The following SRGAP1 variants were observed in gnomAD, a reference collection of about 807,000 sequenced individuals.
SRGAP1 encodes SLIT-ROBO Rho GTPase-activating protein 1.
A neutral mutation model predicts 121.9 loss-of-function variants in SRGAP1; 43 were observed. That is an observed-to-expected ratio of 0.35 (90% CI 0.28 to 0.46). The LOEUF (loss-of-function observed/expected upper bound fraction) is 0.46. SRGAP1 is among the 20% of genes least tolerant of loss of function. The probability of loss-of-function intolerance (pLI) is 1.00; values close to 1 mark genes in which losing one functional copy is unlikely to be tolerated. For synonymous variants in SRGAP1, 447 were observed against 485.4 expected (o/e 0.92, Z 1.04); for missense variants, 1,102 against 1,350.9 (o/e 0.82, Z 2.89).
chr12:64,154,286 A>AT lies in SRGAP1; in HGVS notation c.*11620dup, dbSNP rs1274500547. The stretch of plus-strand genomic sequence containing the variant: ...AAGATAGTAAATTTTATACTATGTA[A>AT]TTTTTTAACCACAATTTTAAACATC... On this transcript the variant is annotated 3_prime_UTR_variant, in exon 22 of 22. Transcript: ENST00000355086. The AT allele has an allele frequency of 1.3e-5, 2 of 152,208 alleles. No homozygotes were observed. The highest frequency in any genetic ancestry group is 3.8e-4 in the East Asian group (2 of 5,196). 9.4% of individuals were successfully genotyped at this position (152,208 alleles called of 1,614,324 possible).
At chr12:63,888,958 AG>A (rs747992335) in intron 1 of SRGAP1, among the ~76,000 whole-genome samples, 22 of 152,274 alleles carry the variant, frequency 1.4e-4, no homozygotes, top group Middle Eastern at 6.8e-3. Flanking sequence ...ATGAGTGGAG[AG>A]GGTCGATGAG....
At chr12:63,971,711 T>C (rs188371400) in intron 1 of SRGAP1, among the ~76,000 whole-genome samples, 20 of 152,272 alleles carry the variant, frequency 1.3e-4, no homozygotes, top group African/African-American at 4.6e-4. Flanking sequence ...CAGTACTTGC[T>C]AAGGCCTGAA....
At chr12:63,993,878 G>A (rs993313972) in intron 3 of SRGAP1, among the ~76,000 whole-genome samples, 5 of 150,918 alleles carry the variant, frequency 3.3e-5, no homozygotes, top group Non-Finnish European at 7.4e-5. Context: ...AAAAAGTGAA[G>A]CATTTTAAAA....
At chr12:64,065,265 AT>A in intron 8 of SRGAP1, 46 bp downstream of exon 8, 1 of 1,462,166 alleles carries the variant, frequency 6.8e-7, no homozygotes, top group African/African-American at 1.4e-5. Context: ...GAATTCAAAT[AT>A]AACTGGAAGA....
rs146163454 is a variant in SRGAP1 at position 64,107,175 on chromosome 12, C to G, written c.1814-1757C>G. Among the ~76,000 whole-genome samples, 202 of 152,186 alleles carry G rather than the reference C, an allele frequency of 1.3e-3. 3 individuals carry two copies. The East Asian group carries it at 0.03, about 22-fold the overall frequency. On this transcript the variant is annotated intron_variant, in intron 15 of 21. Transcript: ENST00000355086. ...AATATTCCTAATAGATTTTTCGTAC[C>G]TTTTCAGCTATGCAAAAGGGAAAAT...
chr12:63,977,290 A>C (rs2033119792), intron 1 of SRGAP1, among the ~76,000 whole-genome samples: 1 of 152,192 alleles, frequency 6.6e-6, no homozygotes, highest in Non-Finnish European at 1.5e-5. Context: ...TAGAGGTAAT[A>C]ATACATCTTA....
chr12:63,984,040 GA>G lies in SRGAP1; in HGVS notation c.168del (p.Ala57LeufsTer11). The part of the protein sequence containing the change: ...QLLQDLQDFF[R>X]KKAEIETEYS... ...CTCCAGGATCTGCAAGATTTCTTCC[GA>G]AAAAAAGCTGAAATTGAGACGGAAT... On this transcript the variant is annotated frameshift_variant, in exon 2 of 22. Transcript: ENST00000355086. LOFTEE classifies it high-confidence loss of function. 8.3e-6 allele frequency: 13 copies of G among 1,563,054 alleles called. No homozygotes were observed. The highest frequency in any genetic ancestry group is 3.5e-5 in the Admixed American group (2 of 57,358).
In SRGAP1 at chr12:64,150,901, C is replaced by A. The variant is rs2037112163; in HGVS notation, c.*8229C>A. On this transcript the variant is annotated 3_prime_UTR_variant, in exon 22 of 22. Coordinates refer to ENST00000355086, the MANE Select transcript of SRGAP1 (RefSeq NM_020762.4). ...AATAAGCTATGATTGCACCACTGCA[C>A]TCCAACCTGGGTGGAAGAGTGAGAA... 1 of 126,398 alleles carries A rather than the reference C, an allele frequency of 7.9e-6. No homozygotes were observed. Among genetic ancestry groups the A allele is most frequent in the African/African-American group, 2.9e-5 (1 of 34,600 alleles). 7.8% of individuals were successfully genotyped at this position (126,398 alleles called of 1,614,324 possible).
chr12:64,012,551 CTTTTTTTTT>C (rs386376760), intron 3 of SRGAP1, among the ~76,000 whole-genome samples: 3 of 77,662 alleles, frequency 3.9e-5, no homozygotes, highest in Non-Finnish European at 4.5e-5. Context: ...AAGTTATTAT[CTTTTTTTTT>C]TTTTTTTTTT....
At chr12:63,909,620 A>G (rs907457887) in intron 1 of SRGAP1, among the ~76,000 whole-genome samples, 1 of 152,228 alleles carries the variant, frequency 6.6e-6, no homozygotes, top group Non-Finnish European at 1.5e-5. Flanking sequence ...TATTTATACT[A>G]TATACCAGAA....
intron 18 of SRGAP1, among the ~76,000 whole-genome samples, chr12:64,120,920 A>G (rs2036595971): frequency 6.6e-6 from 1 of 152,026 alleles, no homozygotes; most frequent in African/African-American, 2.4e-5. Flanking sequence ...TTTGCTTTTA[A>G]ATCCAGCATT....
At chr12:63,939,034 A>G (rs1007994940) in intron 1 of SRGAP1, among the ~76,000 whole-genome samples, 2 of 151,014 alleles carry the variant, frequency 1.3e-5, no homozygotes, top group Middle Eastern at 3.4e-3. Context: ...CTTTGCCTGT[A>G]GTCCCAGCTA....
At chr12:64,029,719 G>A (rs1468529789) in intron 4 of SRGAP1, among the ~76,000 whole-genome samples, 1 of 152,108 alleles carries the variant, frequency 6.6e-6, no homozygotes, top group African/African-American at 2.4e-5. Flanking sequence ...GAAGCAGGCT[G>A]GGGGCGGTGG....
chr12:63,847,849 C>T (rs1898951568), intron 1 of SRGAP1, among the ~76,000 whole-genome samples: 1 of 151,628 alleles, frequency 6.6e-6, no homozygotes, highest in Non-Finnish European at 1.5e-5. Flanking sequence ...TTTTTTCTAC[C>T]TTCTAACTTA....
intron 14 of SRGAP1, among the ~76,000 whole-genome samples, chr12:64,096,855 G>A (rs978296402): frequency 9.9e-5 from 15 of 152,114 alleles, no homozygotes; most frequent in Admixed American, 2.6e-4. Context: ...CAGACCTATG[G>A]TGTGTCTTTT....
At chr12:64,069,650 A>G (rs1442862488) in intron 8 of SRGAP1, among the ~76,000 whole-genome samples, 1 of 152,124 alleles carries the variant, frequency 6.6e-6, no homozygotes, top group African/African-American at 2.4e-5. Context: ...GTGAAACATT[A>G]ATAAACATTA....
intron 15 of SRGAP1, among the ~76,000 whole-genome samples, chr12:64,107,497 A>G (rs1401314574): frequency 1.3e-5 from 2 of 152,222 alleles, no homozygotes; most frequent in Non-Finnish European, 2.9e-5. Context: ...AGTAGAAACT[A>G]CAGGACTTCT....
At chr12:64,002,816 A>G (rs2033943203) in intron 3 of SRGAP1, among the ~76,000 whole-genome samples, 1 of 152,170 alleles carries the variant, frequency 6.6e-6, no homozygotes, top group Non-Finnish European at 1.5e-5. Context: ...TAAAATTATC[A>G]GAATTCTGTA....
intron 15 of SRGAP1, among the ~76,000 whole-genome samples, chr12:64,100,605 G>A (rs1002951392): frequency 1.3e-5 from 2 of 152,116 alleles, no homozygotes; most frequent in African/African-American, 4.8e-5. Flanking sequence ...TGAGTAGTCT[G>A]CCCCAATCCT....
Sources: allele counts gnomAD v4.1 joint callset (sites outside exome capture counted in the v4.1 genomes callset), GRCh38; gene constraint gnomAD v4.1.1; transcripts MANE v1.5; gene names NCBI Gene and HGNC (gene_info 2026-07-23, HGNC 2026-07-21).